The following SNAP23 variants were observed in gnomAD, a reference collection of about 807,000 sequenced individuals.
SNAP23 encodes synaptosome associated protein 23, also known as synaptosomal-associated protein 23.
A neutral mutation model predicts 29.0 loss-of-function variants in SNAP23; 11 were observed. That is an observed-to-expected ratio of 0.38 (90% CI 0.24 to 0.63). The LOEUF (loss-of-function observed/expected upper bound fraction) is 0.63. Ranked by LOEUF, SNAP23 falls within the 20% of genes least tolerant of loss-of-function variation. The pLI, the probability that SNAP23 is intolerant of heterozygous loss-of-function variation, is 0.58. For missense variants in SNAP23, 220 were observed against 253.9 expected, an observed-to-expected ratio of 0.87 and a Z score of 0.91; for synonymous variants, 60 against 82.9, an observed-to-expected ratio of 0.72 and a Z score of 1.50.
intron 6 of SNAP23, among the ~76,000 whole-genome samples, 158 bp downstream of exon 6, chr15:42,528,578 GT>G (rs112307058): frequency 0.011 from 1,678 of 151,936 alleles, 25 homozygotes; most frequent in African/African-American, 0.038. Flanking sequence ...CAAAATGTGG[GT>G]TTTTTTTATT....
intron 5 of SNAP23, among the ~76,000 whole-genome samples, chr15:42,518,291 A>G (rs1405136619): frequency 6.6e-6 from 1 of 152,188 alleles, no homozygotes; most frequent in African/African-American, 2.4e-5. Flanking sequence ...GAATAACCAT[A>G]ACATGAGCTT....
intron 6 of SNAP23, 80 bp from the exon 7 acceptor site, chr15:42,529,594 TA>T: frequency 7.0e-7 from 1 of 1,426,042 alleles, no homozygotes; most frequent in Non-Finnish European, 9.6e-7. Flanking sequence ...TCATTTTGGT[TA>T]CTTACTTTTG....
At chr15:42,524,108 G>A (rs1266388950) in intron 5 of SNAP23, among the ~76,000 whole-genome samples, 8 of 152,146 alleles carry the variant, frequency 5.3e-5, no homozygotes, top group Non-Finnish European at 7.4e-5. Context: ...GAGCCACCGC[G>A]CCTGGCTTTT....
At position 42,515,340 on chromosome 15, in the gene SNAP23, C is replaced by A. The variant is rs1313070787; in HGVS notation, c.252C>A (p.Val84=). The A allele has an allele frequency of 6.3e-7, 1 of 1,597,742 alleles. No homozygotes were observed. Among genetic ancestry groups the A allele is most frequent in the South Asian group, 1.1e-5 (1 of 89,934 alleles). Residue 84 remains valine, a synonymous_variant, in exon 5 of 8, where the codon GTC becomes GTA. Coordinates refer to ENST00000249647, the MANE Select transcript of SNAP23 (RefSeq NM_003825.4). The stretch of plus-strand genomic sequence containing the variant: ...TCAACAAATGCTGTGGCCTTTGTGT[C>A]TGCCCATGTAATAGGTGAGTTGATA... ...TELNKCCGLC[V]CPCNRTKNFE... is the part of the protein sequence containing the mutation.
chr15:42,517,162 T>C (rs921799176), intron 5 of SNAP23, among the ~76,000 whole-genome samples: 11 of 152,134 alleles, frequency 7.2e-5, no homozygotes, highest in African/African-American at 2.4e-4. Context: ...TCAGGTGATC[T>C]GCCCGCCTCT....
At chr15:42,497,284 C>T (rs549607074) in intron 1 of SNAP23, among the ~76,000 whole-genome samples, 4 of 150,292 alleles carry the variant, frequency 2.7e-5, no homozygotes, top group East Asian at 2.0e-4. Context: ...TCTTGGCTCA[C>T]TGCGACCTCC....
intron 5 of SNAP23, among the ~76,000 whole-genome samples, chr15:42,520,696 G>C (rs551840943): frequency 6.6e-6 from 1 of 151,478 alleles, no homozygotes; most frequent in African/African-American, 2.4e-5. Flanking sequence ...GGGTTTCACC[G>C]TGTTAGCCAG....
chr15:42,503,577 C>T (rs990648974), intron 1 of SNAP23, among the ~76,000 whole-genome samples: 86 of 152,072 alleles, frequency 5.7e-4, no homozygotes, highest in African/African-American at 1.9e-3. Context: ...GCCGTGTTGG[C>T]CAGGCTGGTC....
intron 5 of SNAP23, among the ~76,000 whole-genome samples, chr15:42,526,979 A>G (rs1232844278): frequency 6.6e-6 from 1 of 151,918 alleles, no homozygotes; most frequent in East Asian, 1.9e-4. Flanking sequence ...CTGGGATTAT[A>G]GGCACGTGGT....
chr15:42,510,349 T>G (rs1237753863), intron 1 of SNAP23, among the ~76,000 whole-genome samples: 1 of 152,100 alleles, frequency 6.6e-6, no homozygotes, highest in Non-Finnish European at 1.5e-5. Context: ...TTGCCCAGGC[T>G]GAACTCCAAC....
At chr15:42,508,508 T>TA (rs1466942029) in intron 1 of SNAP23, among the ~76,000 whole-genome samples, 1 of 152,106 alleles carries the variant, frequency 6.6e-6, no homozygotes, top group Admixed American at 6.6e-5. Flanking sequence ...TGGGAGTAGA[T>TA]ATCTGTTACT....
intron 1 of SNAP23, among the ~76,000 whole-genome samples, 155 bp from the exon 2 acceptor site, chr15:42,511,678 A>G (rs2057358834): frequency 6.6e-6 from 1 of 151,696 alleles, no homozygotes; most frequent in Non-Finnish European, 1.5e-5. Flanking sequence ...TGATTTCTTT[A>G]CTTGTGGTAG....
chr15:42,530,995 C>A (rs1385040794), intron 7 of SNAP23, among the ~76,000 whole-genome samples: 1 of 152,108 alleles, frequency 6.6e-6, no homozygotes, highest in African/African-American at 2.4e-5. Context: ...TCAGTCTCTC[C>A]AGGTTAGACT....
At chr15:42,493,332 T>TTC (rs376287295), upstream of SNAP23, among the ~76,000 whole-genome samples, 2,386 of 150,404 alleles carry the variant, frequency 0.016, 55 homozygotes, top group African/African-American at 0.055. Context: ...GAGCAAGACC[T>TTC]TCTCTCTCTC....
intron 2 of SNAP23, 52 bp from the exon 3 acceptor site, chr15:42,512,903 G>A: frequency 7.1e-7 from 1 of 1,417,734 alleles, no homozygotes; most frequent in Non-Finnish European, 9.9e-7. Flanking sequence ...CCTGTGATCA[G>A]ATTTTTTTTT....
chr15:42,516,502 TG>T (rs1162249769), intron 5 of SNAP23, among the ~76,000 whole-genome samples: 4 of 152,112 alleles, frequency 2.6e-5, no homozygotes, highest in Non-Finnish European at 4.4e-5. Flanking sequence ...AGCTAATTTT[TG>T]TATTTTTAGT....
intron 5 of SNAP23, among the ~76,000 whole-genome samples, chr15:42,526,158 G>T (rs1036342305): frequency 2.0e-5 from 3 of 152,026 alleles, no homozygotes; most frequent in African/African-American, 7.2e-5. Flanking sequence ...AATATTTGTG[G>T]TTATTAACTT....
Position 42,532,114 on chromosome 15 carries a change from C to CA in SNAP23, c.*637dup, listed in dbSNP as rs367817702. The CA allele has an allele frequency of 3.9e-4, 59 of 149,692 alleles. No individual in the cohort carries two copies. The highest frequency in any genetic ancestry group is 1.4e-3 in the African/African-American group (57 of 40,728). 9.3% of individuals were successfully genotyped at this position (149,692 alleles called of 1,614,324 possible). A position where few individuals can be genotyped will look rare whatever the true frequency, so the allele number is the denominator to read the frequency against. The stretch of plus-strand genomic sequence containing the variant: ...TCTTTCTTTTTTTTTTTTTTGGAGT[C>CA]AGAGTCTCGCTCTCTTGTCCAGGCT... On this transcript the variant is annotated 3_prime_UTR_variant, in exon 8 of 8. Transcript: ENST00000249647.
At chr15:42,508,630 C>G (rs913498415) in intron 1 of SNAP23, among the ~76,000 whole-genome samples, 1 of 152,110 alleles carries the variant, frequency 6.6e-6, no homozygotes, top group African/African-American at 2.4e-5. Context: ...AGGGGTGATT[C>G]CTCACGTTAT....
Sources: allele counts gnomAD v4.1 joint callset (sites outside exome capture counted in the v4.1 genomes callset), GRCh38; gene constraint gnomAD v4.1.1; transcripts MANE v1.5; gene names NCBI Gene and HGNC (gene_info 2026-07-23, HGNC 2026-07-21).